Variants in TAF2 observed in about 807,000 individuals in gnomAD.
TAF2 encodes TATA-box binding protein associated factor 2.
In TAF2, 61 loss-of-function variants were observed where a neutral mutation model predicts 138.5. The observed-to-expected ratio is 0.44, with a 90% CI of 0.36 to 0.54. TAF2 has a LOEUF of 0.54. Ranked by LOEUF, TAF2 falls within the 20% of genes least tolerant of loss-of-function variation. The probability of loss-of-function intolerance (pLI) is 0.00; values close to 1 mark genes in which losing one functional copy is unlikely to be tolerated. For missense variants in TAF2, 1,090 were observed against 1,427.9 expected (o/e 0.76, Z 3.81); for synonymous variants, 475 against 469.9 (o/e 1.01, Z -0.14).
At chr8:119,816,203 A>G (rs940129581) in intron 3 of TAF2, among the ~76,000 whole-genome samples, 2 of 150,602 alleles carry the variant, frequency 1.3e-5, no homozygotes, top group African/African-American at 4.9e-5. Context: ...GGCACCCACT[A>G]CTACACCCGG....
In TAF2 at chr8:119,762,473, TGA is replaced by T; in HGVS notation, c.2498_2499del (p.Ile833AsnfsTer37). On this transcript the variant is annotated frameshift_variant, in exon 19 of 26. Transcript: ENST00000378164. LOFTEE classifies it high-confidence loss of function. ...NPDVRLILEE[I>X]TRFLNMEKLL... ...AGTTTTTCCATATTCAAAAATCTGG[TGA>T]TTTCTTCAAGAATGAGTCGCACATC... 1 of 1,614,014 alleles carries T rather than the reference TGA, an allele frequency of 6.2e-7. No homozygotes were observed. The highest frequency in any genetic ancestry group is 1.3e-5 in the African/African-American group (1 of 75,050).
rs374603580 is a variant in TAF2 at position 119,758,194 on chromosome 8, G to A, written c.2699-52C>T. ...TGTTAATTATAACAAATTAAATAAT[G>A]AATAATGAGTGACAAGCAGGGAGTT... On this transcript the variant is annotated intron_variant, in intron 20 of 25. Coordinates refer to ENST00000378164, the MANE Select transcript of TAF2 (RefSeq NM_003184.4). 54 of 1,426,774 alleles carry A rather than the reference G, an allele frequency of 3.8e-5. No homozygotes were observed. In the African/African-American group the frequency reaches 5.9e-4, roughly 16 times the overall value. The allele number at this position is 1,426,774 out of a possible 1,614,324, so 88.4% of individuals were successfully genotyped here.
intron 14 of TAF2, among the ~76,000 whole-genome samples, chr8:119,788,130 C>A (rs1037354587): frequency 2.0e-5 from 3 of 152,018 alleles, no homozygotes; most frequent in African/African-American, 7.3e-5. Flanking sequence ...GGAGAAATAC[C>A]TAATGTAGAT....
In TAF2 at chr8:119,827,892, C is replaced by T. The variant is rs1157036449; in HGVS notation, c.138+3785G>A. ...CCAAGTAGCTGGGATTACGGGTGCC[C>T]GCCACCATGCTCAGCTAATTTTTTG... is the stretch of plus-strand genomic sequence containing the variant. On this transcript the variant is annotated intron_variant, in intron 2 of 25. Coordinates refer to ENST00000378164, the MANE Select transcript of TAF2 (RefSeq NM_003184.4). Among the ~76,000 whole-genome samples, 11 of 152,026 alleles carry T rather than the reference C, an allele frequency of 7.2e-5. 2 individuals carry two copies. The highest frequency in any genetic ancestry group is 4.6e-4 in the Admixed American group (7 of 15,256).
chr8:119,805,431 C>A (rs779092416), intron 4 of TAF2, among the ~76,000 whole-genome samples: 2 of 152,054 alleles, frequency 1.3e-5, no homozygotes, highest in Admixed American at 6.5e-5. Context: ...CATGGCCAGG[C>A]GCAGTGGCTC....
intron 25 of TAF2, among the ~76,000 whole-genome samples, chr8:119,740,274 C>A (rs1819505651): frequency 6.6e-6 from 1 of 152,078 alleles, no homozygotes. Flanking sequence ...TTGATACACA[C>A]AAGGGCTAGG....
intron 22 of TAF2, among the ~76,000 whole-genome samples, chr8:119,750,829 A>G (rs1272566713): frequency 2.6e-5 from 4 of 152,210 alleles, no homozygotes; most frequent in African/African-American, 9.6e-5. Flanking sequence ...ATTTCCAAAC[A>G]TTAAAAATTA....
chr8:119,809,911 CAT>C (rs1345619379), intron 3 of TAF2, among the ~76,000 whole-genome samples: 2 of 146,258 alleles, frequency 1.4e-5, no homozygotes, highest in Non-Finnish European at 3.0e-5. Context: ...AAAAATGTGA[CAT>C]AGAGACATGA....
chr8:119,748,731 A>G (rs1449041518), intron 22 of TAF2, among the ~76,000 whole-genome samples: 1 of 152,160 alleles, frequency 6.6e-6, no homozygotes, highest in African/African-American at 2.4e-5. Flanking sequence ...AAGTTCCACA[A>G]AGAGGAGGTT....
intron 16 of TAF2, 54 bp downstream of exon 16, chr8:119,783,327 A>C (rs1822800506): frequency 6.4e-7 from 1 of 1,574,708 alleles, no homozygotes; most frequent in Non-Finnish European, 8.6e-7. Context: ...TCATTTTCAG[A>C]GATACAAAAA....
intron 23 of TAF2, among the ~76,000 whole-genome samples, chr8:119,745,836 T>A (rs1402016363): frequency 7.1e-6 from 1 of 140,634 alleles, no homozygotes; most frequent in Non-Finnish European, 1.5e-5. Flanking sequence ...TGTGTGTGTG[T>A]GTGATATAAA....
In TAF2 at chr8:119,832,601, AG is replaced by A. The variant is rs530326302; in HGVS notation, c.-38del. The A allele has an allele frequency of 2.7e-5, 43 of 1,594,412 alleles. No individual in the cohort carries two copies. In the African/African-American group the frequency reaches 5.4e-4, roughly 20 times the overall value. On this transcript the variant is annotated 5_prime_UTR_variant, in exon 1 of 26. The change creates a premature stop within an existing upstream ORF in the 5' untranslated region. Coordinates refer to ENST00000378164, the MANE Select transcript of TAF2 (RefSeq NM_003184.4). ...GCGGAGCTTGGCTTCCCGGCTTCCT[AG>A]GGGGATACGGGGCATTACTAGTCTT...
At position 119,758,190 on chromosome 8, in the gene TAF2, T is replaced by TA. The variant is rs778508682; in HGVS notation, c.2699-49dup. On this transcript the variant is annotated intron_variant, in intron 20 of 25. Transcript: ENST00000378164. ...TTGTTGTTAATTATAACAAATTAAA[T>TA]AATGAATAATGAGTGACAAGCAGGG... The TA allele has an allele frequency of 9.0e-6, 13 of 1,437,940 alleles. No homozygotes were observed. In the East Asian group the frequency reaches 3.0e-4, roughly 33 times the overall value. 89.1% of individuals were successfully genotyped at this position (1,437,940 alleles called of 1,614,324 possible). A position where few individuals can be genotyped will look rare whatever the true frequency, so the allele number is the denominator to read the frequency against.
chr8:119,810,049 G>A (rs1234894587), intron 3 of TAF2, among the ~76,000 whole-genome samples: 2 of 146,002 alleles, frequency 1.4e-5, no homozygotes, highest in Non-Finnish European at 3.0e-5. Context: ...GAGCAACAGA[G>A]CAAAGCACAA....
Position 119,789,613 on chromosome 8 carries a change from TG to T in TAF2, c.1546del (p.Gln516SerfsTer3). 2 of 1,613,760 alleles carry T rather than the reference TG, an allele frequency of 1.2e-6. No homozygotes were observed. The highest frequency in any genetic ancestry group is 1.7e-6 in the Non-Finnish European group (2 of 1,179,906). On this transcript the variant is annotated frameshift_variant, in exon 12 of 26. Transcript: ENST00000378164. LOFTEE classifies it high-confidence loss of function. ...ATACACCCACTGCTTTATTAACGGCTGAATATCTTTGCCAGAGACATTTGAA... is the reference window on the plus strand; with the variant it reads ...ATACACCCACTGCTTTATTAACGGCTAATATCTTTGCCAGAGACATTTGAA... ...SISNVSGKDIQPLIKQWVDQS... is the reference protein window; with the variant it reads ...SISNVSGKDIXPLIKQWVDQS...
chr8:119,781,559 A>T (rs1822655515), intron 16 of TAF2, among the ~76,000 whole-genome samples: 1 of 152,156 alleles, frequency 6.6e-6, no homozygotes, highest in Non-Finnish European at 1.5e-5. Context: ...GGGTGCCTGT[A>T]ATCCCAGCTA....
chr8:119,829,298 C>T (rs976228749), intron 2 of TAF2, among the ~76,000 whole-genome samples: 3 of 152,124 alleles, frequency 2.0e-5, no homozygotes, highest in Non-Finnish European at 4.4e-5. Flanking sequence ...TTCCGCCAGG[C>T]TGCAGGTAAG....
chr8:119,819,495 T>C lies in TAF2; in HGVS notation c.150A>G (p.Glu50=). The change falls in exon 3 of 26, where the codon GAA becomes GAG. Residue 50 remains glutamate (E), a synonymous_variant. Coordinates refer to ENST00000378164, the MANE Select transcript of TAF2 (RefSeq NM_003184.4). Reference sequence around the variant, plus strand: ...TTGCAACTGTGGGAAATATAGTCAGTTCCACAAATCCCTGTAAAGATAGAG... The same window carrying C: ...TTGCAACTGTGGGAAATATAGTCAGCTCCACAAATCCCTGTAAAGATAGAG... ...FQRKSVVGFV[E]LTIFPTVANL... 1.2e-6 allele frequency: 2 copies of C among 1,607,014 alleles called. No homozygotes were observed. Among genetic ancestry groups the C allele is most frequent in the Non-Finnish European group, 1.7e-6 (2 of 1,178,734 alleles).
At chr8:119,813,553 C>T (rs139463656) in intron 3 of TAF2, among the ~76,000 whole-genome samples, 58 of 152,172 alleles carry the variant, frequency 3.8e-4, no homozygotes, top group African/African-American at 1.3e-3. Context: ...TCTAGAGTTC[C>T]GGGATTACCA....
Sources: allele counts gnomAD v4.1 joint callset (sites outside exome capture counted in the v4.1 genomes callset), GRCh38; gene constraint gnomAD v4.1.1; transcripts MANE v1.5; gene names NCBI Gene and HGNC (gene_info 2026-07-23, HGNC 2026-07-21).